MPP7: variants seen among roughly 807,000 people sequenced by gnomAD.
MPP7 encodes the protein MAGUK p55 scaffold protein 7.
In MPP7, 60 loss-of-function variants were observed where a neutral mutation model predicts 76.5. That is an observed-to-expected ratio of 0.78 (90% CI 0.64 to 0.97). The LOEUF is 0.97. Among genes scored for constraint, MPP7 ranks in the 50% least tolerant of loss-of-function variants. MPP7 has a pLI of 0.00. For missense variants in MPP7, 641 were observed against 694.0 expected (o/e 0.92, Z 0.86); for synonymous variants, 237 against 244.5 (o/e 0.97, Z 0.29).
chr10:28,070,713 T>C (rs1332544119), intron 12 of MPP7, among the ~76,000 whole-genome samples: 1 of 152,100 alleles, frequency 6.6e-6, no homozygotes, highest in Admixed American at 6.5e-5. Context: ...ACACTGGACA[T>C]ATATAAGGAG....
chr10:28,202,195 G>A lies in MPP7; in HGVS notation c.114C>T (p.Leu38=), dbSNP rs955600500. Residue 38 remains leucine, a synonymous_variant, in exon 3 of 17, where the codon CTC becomes CTT. Transcript: ENST00000683449. The part of the protein sequence containing the change: ...HVDSQEDLTF[L]WDMFGEKSLH... ...GGCTTTTTTCACCAAACATATCCCA[G>A]AGGAAGGTCAGGTCTTCCTGGCTAT... 13 of 1,613,628 alleles carry A rather than the reference G, an allele frequency of 8.1e-6. No homozygotes were observed. In the Admixed American group the frequency reaches 1.5e-4, roughly 19 times the overall value.
chr10:28,259,572 G>A lies in MPP7; in HGVS notation c.-131-20837C>T, dbSNP rs572265549. On this transcript the variant is annotated intron_variant, in intron 1 of 16. Transcript: ENST00000683449. ...ACTGCACTCCAGCCTGGGTGACAGA[G>A]AGAGACTCCATCAAAAAGAAAAAGA... Among the ~76,000 whole-genome samples, 3 of 148,876 alleles carry A rather than the reference G, an allele frequency of 2.0e-5. No individual in the cohort carries two copies. The East Asian group carries it at 6.1e-4, about 30-fold the overall frequency.
chr10:28,327,231 TAAAAAAAAA>T (rs59442840), intron 2 of MPP7, among the ~76,000 whole-genome samples: 9 of 95,748 alleles, frequency 9.4e-5, no homozygotes, highest in Non-Finnish European at 6.7e-5. Flanking sequence ...GTCAAAGAAG[TAAAAAAAAA>T]AAAAAAAAAA....
At chr10:28,114,926 A>G (rs1437067390) in intron 11 of MPP7, among the ~76,000 whole-genome samples, 1 of 152,218 alleles carries the variant, frequency 6.6e-6, no homozygotes, top group Non-Finnish European at 1.5e-5. Flanking sequence ...AGTAACAGTT[A>G]GAAGGTTCTT....
At chr10:28,104,478 C>A (rs528871323) in intron 11 of MPP7, among the ~76,000 whole-genome samples, 21 of 152,280 alleles carry the variant, frequency 1.4e-4, no homozygotes, top group African/African-American at 5.1e-4. Flanking sequence ...TTTAAAAACA[C>A]ATAAGATCTG....
intron 1 of MPP7, among the ~76,000 whole-genome samples, chr10:28,286,385 C>A (rs1439241835): frequency 3.9e-5 from 6 of 152,036 alleles, no homozygotes; most frequent in African/African-American, 1.2e-4. Flanking sequence ...ATAAAAATTT[C>A]TTTCCTAGCG....
intron 6 of MPP7, among the ~76,000 whole-genome samples, chr10:28,128,336 T>C (rs1404031332): frequency 6.7e-6 from 1 of 148,312 alleles, no homozygotes; most frequent in Non-Finnish European, 1.5e-5. Flanking sequence ...GCATCCCAAA[T>C]CCAAGAATAT....
chr10:28,114,765 T>G (rs1363811821), intron 11 of MPP7, among the ~76,000 whole-genome samples: 1 of 152,196 alleles, frequency 6.6e-6, no homozygotes, highest in Non-Finnish European at 1.5e-5. Context: ...CCAACCTGCA[T>G]GGCATTGAGT....
intron 11 of MPP7, among the ~76,000 whole-genome samples, chr10:28,117,691 T>A (rs1369983464): frequency 6.6e-6 from 1 of 152,146 alleles, no homozygotes; most frequent in African/African-American, 2.4e-5. Flanking sequence ...GCATAACTTT[T>A]AACTTTATGT....
In MPP7 at chr10:28,051,054, T is replaced by C. The variant is rs1440972618; in HGVS notation, c.*3011A>G. 3 of 152,182 alleles carry C rather than the reference T, an allele frequency of 2.0e-5. No individual in the cohort carries two copies. The highest frequency in any genetic ancestry group is 4.4e-5 in the Non-Finnish European group (3 of 68,026). The allele number at this position is 152,182 out of a possible 1,614,324, so 9.4% of individuals were successfully genotyped here. A position where few individuals can be genotyped will look rare whatever the true frequency, so the allele number is the denominator to read the frequency against. ...TGGCAAGTTCAATTACATCACTTCA[T>C]ATCACAGTAGAAAATATAATTTGTT... On this transcript the variant is annotated 3_prime_UTR_variant, in exon 17 of 17. Coordinates refer to ENST00000683449, the MANE Select transcript of MPP7 (RefSeq NM_001318170.2).
Position 28,302,889 on chromosome 10 carries a change from A to G in MPP7, c.-160T>C, listed in dbSNP as rs1449053727. On this transcript the variant is annotated 5_prime_UTR_variant, in exon 1 of 17. Coordinates refer to ENST00000683449, the MANE Select transcript of MPP7 (RefSeq NM_001318170.2). ...CTCTGGGCTGCCGCGGTCCGCGGGCAGGAGGCGCACTCGCTCTGGCCCCTG... is the reference window on the plus strand; with the variant it reads ...CTCTGGGCTGCCGCGGTCCGCGGGCGGGAGGCGCACTCGCTCTGGCCCCTG... 6.6e-6 allele frequency among the ~76,000 whole-genome samples: 1 copy of G among 152,094 alleles called. No individual in the cohort carries two copies. The highest frequency in any genetic ancestry group is 1.5e-5 in the Non-Finnish European group (1 of 67,990).
At chr10:28,333,267 T>A (rs1287920582) in intron 1 of MPP7, among the ~76,000 whole-genome samples, 2 of 152,172 alleles carry the variant, frequency 1.3e-5, no homozygotes, top group South Asian at 4.1e-4. Flanking sequence ...TGCCTCAGCC[T>A]CTGGAGTAGC....
At chr10:28,262,203 A>ACG (rs1839982294) in intron 1 of MPP7, among the ~76,000 whole-genome samples, 1 of 15,604 alleles carries the variant, frequency 6.4e-5, no homozygotes, top group East Asian at 1.8e-3. Context: ...ATATATATAT[A>ACG]TATACATATA....
intron 5 of MPP7, among the ~76,000 whole-genome samples, chr10:28,144,427 G>A (rs1835636151): frequency 6.6e-6 from 1 of 152,128 alleles, no homozygotes; most frequent in Non-Finnish European, 1.5e-5. Flanking sequence ...TGGAACTGCA[G>A]GCATGAAGCC....
chr10:28,320,396 T>G (rs920397006), intron 2 of MPP7, among the ~76,000 whole-genome samples: 1 of 107,742 alleles, frequency 9.3e-6, no homozygotes, highest in African/African-American at 3.9e-5. Context: ...TCAATAGAAG[T>G]TACTGAAGAT....
At position 28,283,761 on chromosome 10, in the gene MPP7, C is replaced by T. The variant is rs564488787; in HGVS notation, c.-132+19100G>A. 3.5e-3 allele frequency among the ~76,000 whole-genome samples: 532 copies of T among 152,074 alleles called. 3 individuals are homozygous for T. The highest frequency in any genetic ancestry group is 0.012 in the African/African-American group (494 of 41,370). ...AACTCCTGACCTCAAGTGATTCACC[C>T]ACCTCGGCCTCCCAAAATGCTGGGA... On this transcript the variant is annotated intron_variant, in intron 1 of 16. Coordinates refer to ENST00000683449, the MANE Select transcript of MPP7 (RefSeq NM_001318170.2).
chr10:28,333,986 A>G (rs923562173), intron 1 of MPP7, among the ~76,000 whole-genome samples: 2 of 152,166 alleles, frequency 1.3e-5, no homozygotes, highest in South Asian at 4.1e-4. Context: ...TGAGGTCAGG[A>G]GTTCGAGATC....
chr10:28,132,676 C>T (rs1316177866), intron 5 of MPP7, among the ~76,000 whole-genome samples: 9 of 152,136 alleles, frequency 5.9e-5, no homozygotes, highest in Middle Eastern at 3.4e-3. Flanking sequence ...CTTGGCTTAC[C>T]GCAACCTCCA....
At chr10:28,207,014 G>T (rs1837969732) in intron 2 of MPP7, among the ~76,000 whole-genome samples, 1 of 152,064 alleles carries the variant, frequency 6.6e-6, no homozygotes, top group Non-Finnish European at 1.5e-5. Context: ...TTGAATTTAG[G>T]TTATATGAGA....
Sources: gnomAD v4.1 joint callset for allele counts (sites outside exome capture counted in the v4.1 genomes callset) on GRCh38, gnomAD v4.1.1 for gene constraint, MANE v1.5 for transcripts, NCBI Gene and HGNC (gene_info 2026-07-23, HGNC 2026-07-21) for gene names.